The following NSD2 variants were observed in gnomAD, a reference collection of about 807,000 sequenced individuals.
NSD2 encodes the protein nuclear receptor binding SET domain protein 2.
NSD2 carries 12 observed loss-of-function variants against 139.0 expected under a neutral mutation model. That is an observed-to-expected ratio of 0.09 (90% CI 0.06 to 0.14). The LOEUF is 0.14. Among genes scored for constraint, NSD2 ranks in the 10% least tolerant of loss-of-function variants. The probability of loss-of-function intolerance (pLI) is 1.00; values close to 1 mark genes in which losing one functional copy is unlikely to be tolerated. For missense variants in NSD2, 1,155 were observed against 1,745.0 expected, an observed-to-expected ratio of 0.66 and a Z score of 6.02; for synonymous variants, 669 against 648.7, an observed-to-expected ratio of 1.03 and a Z score of -0.48.
chr4:1,907,129 C>G (rs1010534737), intron 3 of NSD2, among the ~76,000 whole-genome samples: 2 of 152,114 alleles, frequency 1.3e-5, no homozygotes, highest in African/African-American at 4.8e-5. Context: ...CTTAATCTCG[C>G]TAAGCTTCAG....
At chr4:1,947,811 C>A in intron 9 of NSD2, 6 of 1,047,936 alleles carry the variant, frequency 5.7e-6, no homozygotes, top group Non-Finnish European at 5.8e-6. Flanking sequence ...ATTTCAAAAA[C>A]GATGTCGTAT....
intron 9 of NSD2, chr4:1,941,285 A>C (rs1278488160): frequency 9.5e-7 from 1 of 1,056,480 alleles, no homozygotes; most frequent in African/African-American, 1.6e-5. Flanking sequence ...TTCTGTTATC[A>C]TAATTTTGGT....
At chr4:1,912,598 A>G (rs1718826863) in intron 3 of NSD2, among the ~76,000 whole-genome samples, 1 of 151,248 alleles carries the variant, frequency 6.6e-6, no homozygotes. Flanking sequence ...TCTCCTATTT[A>G]TATATTTATA....
intron 20 of NSD2, 26 bp downstream of exon 20, chr4:1,975,426 C>T (rs749071040): frequency 1.2e-6 from 2 of 1,606,320 alleles, no homozygotes; most frequent in Admixed American, 3.3e-5. Context: ...CCTCCTTCCC[C>T]CCAGGCTCTG....
intron 16 of NSD2, among the ~76,000 whole-genome samples, chr4:1,959,038 G>C (rs561295988): frequency 2.6e-5 from 4 of 152,232 alleles, no homozygotes; most frequent in South Asian, 2.1e-4. Flanking sequence ...GGACTCCCAT[G>C]TGGCTTGCTG....
In NSD2 at chr4:1,955,144, TG is replaced by T; in HGVS notation, c.2339-16del. 1 of 1,589,932 alleles carries T rather than the reference TG, an allele frequency of 6.3e-7. No homozygotes were observed. The highest frequency in any genetic ancestry group is 1.3e-5 in the African/African-American group (1 of 74,674). On this transcript the variant is annotated splice_polypyrimidine_tract_variant and intron_variant, in intron 12 of 21. Coordinates refer to ENST00000508803, the MANE Select transcript of NSD2 (RefSeq NM_001042424.3). The surrounding 1 kb of genome is among the most constrained non-coding windows in gnomAD (Gnocchi z 4.7). The stretch of plus-strand genomic sequence containing the variant: ...GTCAGTGTTTGGGGTCCTTAGGGTG[TG>T]TTTCTTTGCCTTCAGGTAAAATGAT...
chr4:1,913,482 C>A (rs897831085), intron 3 of NSD2, among the ~76,000 whole-genome samples: 2 of 152,266 alleles, frequency 1.3e-5, no homozygotes, highest in African/African-American at 2.4e-5. Flanking sequence ...GGTCCACTTT[C>A]ATGTTCCGCC....
At position 1,972,952 on chromosome 4, in the gene NSD2, A is replaced by G. The variant is rs1293136761; in HGVS notation, c.3373-1911A>G. Among the ~76,000 whole-genome samples, 1 of 152,110 alleles carries G rather than the reference A, an allele frequency of 6.6e-6. No homozygotes were observed. Among genetic ancestry groups the G allele is most frequent in the Non-Finnish European group, 1.5e-5 (1 of 68,022 alleles). On this transcript the variant is annotated intron_variant, in intron 18 of 21. Transcript: ENST00000508803. The surrounding 1 kb of genome is among the most constrained non-coding windows in gnomAD (Gnocchi z 4.0). ...ACTGCACCCTCTGCCTCACAGGTTC[A>G]AGCCATTCTCCTGCCTCAGCCTCCC...
rs559426609 is a variant in NSD2, at chr4:1,972,634, T to C, written c.3373-2229T>C. On this transcript the variant is annotated intron_variant, in intron 18 of 21. Transcript: ENST00000508803. This position sits in a 1 kb window ranked among gnomAD's most constrained non-coding sequence, Gnocchi z 4.0. ...CTGATGCCTCCCCTCACACCACTTATAAAGGCCAATTCCAGATGGATTGAA... is the reference window on the plus strand; with the variant it reads ...CTGATGCCTCCCCTCACACCACTTACAAAGGCCAATTCCAGATGGATTGAA... 3.3e-5 allele frequency among the ~76,000 whole-genome samples: 5 copies of C among 152,272 alleles called. No homozygotes were observed. In the South Asian group the frequency reaches 6.2e-4, roughly 19 times the overall value.
At chr4:1,934,869 AAAAAAAAAAATATATATATAT>A (rs1722141042) in intron 6 of NSD2, among the ~76,000 whole-genome samples, 1 of 104,364 alleles carries the variant, frequency 9.6e-6, no homozygotes, top group Non-Finnish European at 1.9e-5. Flanking sequence ...AAAAAAAAAA[AAAAAAAAAAATATATATATAT>A]ATATATATAT....
At chr4:1,926,585 C>A (rs986300039) in intron 5 of NSD2, among the ~76,000 whole-genome samples, 9 of 152,114 alleles carry the variant, frequency 5.9e-5, no homozygotes, top group Admixed American at 2.0e-4. Flanking sequence ...ATCCTCCCCC[C>A]TCAGCCTTCC....
At chr4:1,969,291 G>T (rs1306005460) in intron 18 of NSD2, among the ~76,000 whole-genome samples, 1 of 152,210 alleles carries the variant, frequency 6.6e-6, no homozygotes, top group African/African-American at 2.4e-5. Flanking sequence ...ACAGAGACTT[G>T]GGTTCTGTGG....
chr4:1,952,340 C>T, intron 11 of NSD2, 109 bp downstream of exon 11: 1 of 1,497,060 alleles, frequency 6.7e-7, no homozygotes. Flanking sequence ...GCCCCCTCCC[C>T]ACCCCCACCG....
At chr4:1,883,345 T>G (rs1308891866) in intron 1 of NSD2, among the ~76,000 whole-genome samples, 1 of 151,138 alleles carries the variant, frequency 6.6e-6, no homozygotes, top group Non-Finnish European at 1.5e-5. Context: ...GTACCCCCTC[T>G]GCAGGGCTGG....
chr4:1,871,506 C>A lies in NSD2; in HGVS notation c.-66C>A. ...CCCGGCCCCCTCCCAGCCTGCCGCT[C>A]CGGAGAGCCGCCCGCCGAGGATGCG... On this transcript the variant is annotated 5_prime_UTR_variant, in exon 1 of 22. Transcript: ENST00000508803. 6.6e-6 allele frequency: 1 copy of A among 151,032 alleles called. No homozygotes were observed. The highest frequency in any genetic ancestry group is 1.8e-4 in the South Asian group (1 of 5,566). The allele number at this position is 151,032 out of a possible 1,614,324, so 9.4% of individuals were successfully genotyped here.
chr4:1,952,913 C>G, intron 11 of NSD2: 6 of 1,402,232 alleles, frequency 4.3e-6, no homozygotes, highest in Non-Finnish European at 5.5e-6. Flanking sequence ...GCCATGGCAG[C>G]CCCACAGCAG....
At chr4:1,884,242 C>T (rs947310217) in intron 1 of NSD2, among the ~76,000 whole-genome samples, 6 of 150,910 alleles carry the variant, frequency 4.0e-5, no homozygotes, top group African/African-American at 1.2e-4. Context: ...ACTATGGGTG[C>T]ATGCTACTGT....
rs1723907690 is a variant in NSD2, at chr4:1,948,820, C to T, written c.1882-2252C>T. On this transcript the variant is annotated intron_variant, in intron 9 of 21. Transcript: ENST00000508803. The surrounding 1 kb of genome is among the most constrained non-coding windows in gnomAD (Gnocchi z 4.5). ...TAAAAGGTGCTGTTCCTTCCTCTGACCCAGGACTGCTTTGTGTTTTCTGTC... is the reference window on the plus strand; with the variant it reads ...TAAAAGGTGCTGTTCCTTCCTCTGATCCAGGACTGCTTTGTGTTTTCTGTC... 2 of 1,026,490 alleles carry T rather than the reference C, an allele frequency of 1.9e-6. No homozygotes were observed. Among genetic ancestry groups the T allele is most frequent in the East Asian group, 6.2e-5 (1 of 16,042 alleles). The allele number at this position is 1,026,490 out of a possible 1,614,324, so 63.6% of individuals were successfully genotyped here.
Position 1,925,506 on chromosome 4 carries a change from C to T in NSD2, c.1411-5120C>T, listed in dbSNP as rs1720777236. On this transcript the variant is annotated intron_variant, in intron 5 of 21. Transcript: ENST00000508803. Reference sequence around the variant, plus strand: ...CTCCTCCCCCCGGGTTCAAGCGATTCTCCTGCCTCAGCCTCCCGAGTTGCT... The same window carrying T: ...CTCCTCCCCCCGGGTTCAAGCGATTTTCCTGCCTCAGCCTCCCGAGTTGCT... Among the ~76,000 whole-genome samples the T allele has an allele frequency of 2.9e-5, 4 of 138,048 alleles. No individual in the cohort carries two copies. In the South Asian group the frequency reaches 9.8e-4, roughly 34 times the overall value. The allele number at this position is 138,048 out of a possible 152,430, so 90.6% of individuals were successfully genotyped here.
Sources: allele counts gnomAD v4.1 joint callset (sites outside exome capture counted in the v4.1 genomes callset), GRCh38; gene constraint gnomAD v4.1.1; non-coding constraint Gnocchi (gnomAD v3.1); transcripts MANE v1.5; gene names NCBI Gene and HGNC (gene_info 2026-07-23, HGNC 2026-07-21).